GABRB2: variants seen among roughly 807,000 people sequenced by gnomAD.
GABRB2 encodes gamma-aminobutyric acid type A receptor subunit beta2.
In GABRB2, 16 loss-of-function variants were observed where a neutral mutation model predicts 54.7. The observed-to-expected ratio is 0.29, with a 90% CI of 0.20 to 0.44. The LOEUF is 0.44. Among genes scored for constraint, GABRB2 ranks in the 20% least tolerant of loss-of-function variants. GABRB2 has a pLI of 1.00. For missense variants in GABRB2, 355 were observed against 644.0 expected (o/e 0.55, Z 4.86); for synonymous variants, 244 against 233.8 (o/e 1.04, Z -0.40).
intron 3 of GABRB2, among the ~76,000 whole-genome samples, chr5:161,519,215 AT>A (rs1240451466): frequency 6.6e-6 from 1 of 152,202 alleles, no homozygotes; most frequent in Non-Finnish European, 1.5e-5. Flanking sequence ...TGAACTGATA[AT>A]ATTTTGGCAA....
rs574981212 is a variant in GABRB2, at chr5:161,405,406, T to C, written c.541+5569A>G. On this transcript the variant is annotated intron_variant, in intron 5 of 9. Coordinates refer to ENST00000393959, the MANE Select transcript of GABRB2 (RefSeq NM_001371727.1). Reference sequence around the variant, plus strand: ...CTTATGGAAATATCAGTACCAAGCATTGCACAAAGATCTCTATCTTGATTA... The same window carrying C: ...CTTATGGAAATATCAGTACCAAGCACTGCACAAAGATCTCTATCTTGATTA... 2.3e-4 allele frequency among the ~76,000 whole-genome samples: 35 copies of C among 152,230 alleles called. 1 individual carries two copies. The highest frequency in any genetic ancestry group is 1.9e-3 in the Admixed American group (29 of 15,256).
rs1054030261 is a variant in GABRB2 at position 161,466,768 on chromosome 5, C to T, written c.238-6924G>A. On this transcript the variant is annotated intron_variant, in intron 3 of 9. Transcript: ENST00000393959. ...TTAATGACTATTCAACCATGAGCTT[C>T]GGCCCTCCCCTTCCCCTTCATTTAT... 4.6e-5 allele frequency among the ~76,000 whole-genome samples: 7 copies of T among 151,988 alleles called. No homozygotes were observed. In the East Asian group the frequency reaches 5.8e-4, roughly 13 times the overall value.
At chr5:161,336,385 A>C (rs1016412843) in intron 6 of GABRB2, among the ~76,000 whole-genome samples, 24 of 152,088 alleles carry the variant, frequency 1.6e-4, no homozygotes, top group Non-Finnish European at 3.5e-4. Context: ...CTTTCTAAAA[A>C]TTAGTCGCTT....
At chr5:161,495,485 A>T (rs1314203796) in intron 3 of GABRB2, among the ~76,000 whole-genome samples, 1 of 152,034 alleles carries the variant, frequency 6.6e-6, no homozygotes, top group African/African-American at 2.4e-5. Context: ...AATTTTTTTA[A>T]TGATTTTTTT....
intron 3 of GABRB2, among the ~76,000 whole-genome samples, chr5:161,472,448 G>A (rs868363716): frequency 1.4e-5 from 2 of 145,378 alleles, no homozygotes; most frequent in African/African-American, 5.1e-5. Context: ...ACATGCATAC[G>A]CACACATGCA....
chr5:161,476,456 T>C (rs911161599), intron 3 of GABRB2, among the ~76,000 whole-genome samples: 3 of 151,800 alleles, frequency 2.0e-5, no homozygotes, highest in Admixed American at 2.0e-4. Flanking sequence ...CTAAAATTTA[T>C]AGAAAACCTC....
In GABRB2 at chr5:161,448,033, T is replaced by C. The variant is rs115035271; in HGVS notation, c.458+11591A>G. Among the ~76,000 whole-genome samples, 1,462 of 152,238 alleles carry C rather than the reference T, an allele frequency of 9.6e-3. 12 individuals are homozygous for C. Among genetic ancestry groups the C allele is most frequent in the Middle Eastern group, 0.037 (11 of 294 alleles). On this transcript the variant is annotated intron_variant, in intron 4 of 9. Coordinates refer to ENST00000393959, the MANE Select transcript of GABRB2 (RefSeq NM_001371727.1). ...ATGATTATTGATGCTCAATATAGAATCAAGAAACTCAAAGGGATAATGATG... is the reference window on the plus strand; with the variant it reads ...ATGATTATTGATGCTCAATATAGAACCAAGAAACTCAAAGGGATAATGATG...
At chr5:161,316,421 T>C (rs1040080133) in intron 9 of GABRB2, among the ~76,000 whole-genome samples, 7 of 152,168 alleles carry the variant, frequency 4.6e-5, no homozygotes, top group Non-Finnish European at 8.8e-5. Flanking sequence ...TCTCTGGTGA[T>C]AGCATTGCAA....
intron 9 of GABRB2, among the ~76,000 whole-genome samples, chr5:161,324,481 C>T (rs1449582472): frequency 6.6e-6 from 1 of 152,084 alleles, no homozygotes; most frequent in Non-Finnish European, 1.5e-5. Flanking sequence ...TTCTTCTCAG[C>T]AGTTGTATAA....
intron 5 of GABRB2, among the ~76,000 whole-genome samples, chr5:161,390,623 G>A (rs1369466008): frequency 6.6e-6 from 1 of 152,030 alleles, no homozygotes; most frequent in Admixed American, 6.6e-5. Context: ...GCGAAGTTGG[G>A]TGAAGAGCAT....
At chr5:161,510,380 T>C (rs1403326533) in intron 3 of GABRB2, among the ~76,000 whole-genome samples, 1 of 151,942 alleles carries the variant, frequency 6.6e-6, no homozygotes, top group African/African-American at 2.4e-5. Flanking sequence ...CTGGCTTATT[T>C]TACTTAACAT....
chr5:161,535,010 A>G (rs139017511), intron 3 of GABRB2, among the ~76,000 whole-genome samples: 61 of 152,360 alleles, frequency 4.0e-4, no homozygotes, highest in Non-Finnish European at 6.6e-4. Context: ...GTTCTTGAAC[A>G]TATACCAGGC....
At chr5:161,445,579 A>G (rs1436248892) in intron 4 of GABRB2, among the ~76,000 whole-genome samples, 7 of 152,102 alleles carry the variant, frequency 4.6e-5, no homozygotes, top group Admixed American at 6.6e-5. Flanking sequence ...GAGACTCTTT[A>G]AGTCTGATAA....
At chr5:161,547,087 GC>G (rs1207091388), upstream of GABRB2, 2 of 160,508 alleles carry the variant, frequency 1.2e-5, no homozygotes, top group African/African-American at 4.9e-5. Context: ...TGGCGTGCCA[GC>G]GGAAGATAGG....
chr5:161,385,946 T>A (rs2910290), intron 5 of GABRB2, among the ~76,000 whole-genome samples: 2 of 57,248 alleles, frequency 3.5e-5, no homozygotes, highest in South Asian at 4.5e-4. Flanking sequence ...ACCTATTGTC[T>A]GGTGTGTGTG....
At chr5:161,422,221 T>C (rs991871396) in intron 4 of GABRB2, among the ~76,000 whole-genome samples, 3 of 152,162 alleles carry the variant, frequency 2.0e-5, no homozygotes, top group Non-Finnish European at 2.9e-5. Context: ...TAAACACAAC[T>C]TTATTTATAG....
chr5:161,405,106 C>T (rs912520572), intron 5 of GABRB2, among the ~76,000 whole-genome samples: 6 of 152,016 alleles, frequency 3.9e-5, no homozygotes, highest in African/African-American at 1.4e-4. Flanking sequence ...TACTCTCTTT[C>T]CTTAAGAGGA....
intron 3 of GABRB2, among the ~76,000 whole-genome samples, chr5:161,466,705 C>T (rs560756303): frequency 4.6e-5 from 7 of 152,008 alleles, no homozygotes; most frequent in Non-Finnish European, 8.8e-5. Context: ...CTCAAGCCTG[C>T]AGGTTGCATG....
intron 9 of GABRB2, among the ~76,000 whole-genome samples, chr5:161,295,970 C>A (rs1378568152): frequency 6.6e-6 from 1 of 152,200 alleles, no homozygotes; most frequent in Non-Finnish European, 1.5e-5. Context: ...GCTTCCTTGA[C>A]CTACAGAAGG....
Sources: gnomAD v4.1 joint callset for allele counts (sites outside exome capture counted in the v4.1 genomes callset) on GRCh38, gnomAD v4.1.1 for gene constraint, MANE v1.5 for transcripts, NCBI Gene and HGNC (gene_info 2026-07-23, HGNC 2026-07-21) for gene names.